The following CNTNAP2 variants were observed in gnomAD, a reference collection of about 807,000 sequenced individuals.
CNTNAP2 encodes contactin-associated protein-like 2.
Under a neutral mutation model 155.2 loss-of-function variants are expected in CNTNAP2, and 98 were observed. The ratio of observed to expected loss-of-function variants is 0.63; its 90% CI spans 0.54 to 0.75. The LOEUF (loss-of-function observed/expected upper bound fraction) is 0.75. Ranked by LOEUF, CNTNAP2 falls within the 30% of genes least tolerant of loss-of-function variation. CNTNAP2 has a pLI of 0.00. For missense variants in CNTNAP2, 1,727 were observed against 1,688.1 expected, an observed-to-expected ratio of 1.02 and a Z score of -0.40; for synonymous variants, 651 against 631.2, an observed-to-expected ratio of 1.03 and a Z score of -0.47.
intron 21 of CNTNAP2, among the ~76,000 whole-genome samples, chr7:148,299,730 A>C (rs1797348805): frequency 1.3e-5 from 2 of 152,210 alleles, no homozygotes; most frequent in Admixed American, 1.3e-4. Context: ...CAATTTGAAA[A>C]GTGTAATGTG....
chr7:146,348,466 C>A (rs1432748816), intron 1 of CNTNAP2, among the ~76,000 whole-genome samples: 1 of 152,032 alleles, frequency 6.6e-6, no homozygotes, highest in Non-Finnish European at 1.5e-5. Flanking sequence ...TGGATTAAAG[C>A]AAAATTTCCA....
chr7:146,752,911 A>T lies in CNTNAP2; in HGVS notation c.98-21360A>T, dbSNP rs575137091. ...TTAAGTGATTCATAAATCTCAAGTA[A>T]ATCTGGATGTTAAAGGTTGAACCTT... On this transcript the variant is annotated intron_variant, in intron 1 of 23. Transcript: ENST00000361727. 5.9e-5 allele frequency among the ~76,000 whole-genome samples: 9 copies of T among 152,286 alleles called. No homozygotes were observed. The South Asian group carries it at 1.9e-3, about 32-fold the overall frequency.
chr7:148,242,751 T>C (rs1796181924), intron 20 of CNTNAP2, among the ~76,000 whole-genome samples: 1 of 152,232 alleles, frequency 6.6e-6, no homozygotes, highest in Non-Finnish European at 1.5e-5. Context: ...AAGTGTTGAC[T>C]GAGTGACTGA....
At chr7:146,786,127 A>G (rs1045439775) in intron 2 of CNTNAP2, among the ~76,000 whole-genome samples, 10 of 152,178 alleles carry the variant, frequency 6.6e-5, no homozygotes, top group African/African-American at 2.4e-4. Context: ...GCACCTGTAA[A>G]AACTATAGTT....
intron 13 of CNTNAP2, among the ~76,000 whole-genome samples, chr7:147,795,409 G>T (rs1260156731): frequency 6.6e-6 from 1 of 151,618 alleles, no homozygotes; most frequent in Non-Finnish European, 1.5e-5. Flanking sequence ...CATGTCTTTT[G>T]TTTCTCAATT....
chr7:147,769,260 C>A (rs1797429320), intron 13 of CNTNAP2, among the ~76,000 whole-genome samples: 1 of 151,994 alleles, frequency 6.6e-6, no homozygotes, highest in African/African-American at 2.4e-5. Flanking sequence ...AGTATACTTT[C>A]CAAAAGGTCA....
At chr7:146,552,634 G>A (rs924171810) in intron 1 of CNTNAP2, among the ~76,000 whole-genome samples, 1 of 151,720 alleles carries the variant, frequency 6.6e-6, no homozygotes, top group Non-Finnish European at 1.5e-5. Context: ...TCCCCCTAAC[G>A]ACTTTCCTTC....
intron 18 of CNTNAP2, among the ~76,000 whole-genome samples, chr7:148,206,764 G>A (rs2116738768): frequency 6.6e-6 from 1 of 152,290 alleles, no homozygotes; most frequent in African/African-American, 2.4e-5. Flanking sequence ...AAGCCTGGAG[G>A]CCTGTTTCCC....
chr7:146,162,663 A>T (rs575263318), intron 1 of CNTNAP2, among the ~76,000 whole-genome samples: 2 of 152,338 alleles, frequency 1.3e-5, no homozygotes, highest in Admixed American at 1.3e-4. Flanking sequence ...CTGGGTATAT[A>T]CCCAAAGTAT....
At chr7:146,207,269 G>A (rs751940012) in intron 1 of CNTNAP2, among the ~76,000 whole-genome samples, 43 of 151,892 alleles carry the variant, frequency 2.8e-4, no homozygotes, top group East Asian at 5.8e-4. Context: ...TGTATCATGC[G>A]GTACCGTGAA....
intron 1 of CNTNAP2, among the ~76,000 whole-genome samples, chr7:146,592,645 C>G (rs1301257469): frequency 6.6e-6 from 1 of 152,078 alleles, no homozygotes; most frequent in Non-Finnish European, 1.5e-5. Context: ...AGGAATTCAA[C>G]CTCAAGTTCA....
intron 13 of CNTNAP2, among the ~76,000 whole-genome samples, chr7:147,696,020 C>T (rs1425151737): frequency 6.6e-6 from 1 of 152,104 alleles, no homozygotes; most frequent in Non-Finnish European, 1.5e-5. Flanking sequence ...TTCATGTTAG[C>T]ATGATCTATG....
At chr7:148,287,916 G>C (rs10272539) in intron 21 of CNTNAP2, among the ~76,000 whole-genome samples, 107,538 of 150,106 alleles carry the variant, frequency 0.72, 38,630 homozygotes, top group South Asian at 0.81. Context: ...TTCAGCCTCC[G>C]GAGTAGCTGG....
chr7:146,515,114 T>C (rs957537630), intron 1 of CNTNAP2, among the ~76,000 whole-genome samples: 1 of 151,974 alleles, frequency 6.6e-6, no homozygotes, highest in African/African-American at 2.4e-5. Context: ...TGCCTTTCTG[T>C]TTTAGTATTT....
chr7:146,526,602 C>G (rs801950), intron 1 of CNTNAP2, among the ~76,000 whole-genome samples: 5,401 of 152,232 alleles, frequency 0.035, 308 homozygotes, highest in African/African-American at 0.12. Context: ...AGTGACCTCC[C>G]TCCAGGCCCC....
chr7:146,723,810 A>G (rs1346572868), intron 1 of CNTNAP2, among the ~76,000 whole-genome samples: 1 of 152,222 alleles, frequency 6.6e-6, no homozygotes, highest in Non-Finnish European at 1.5e-5. Flanking sequence ...ATTTTCTTTT[A>G]GAATTCTTGT....
At chr7:146,626,579 C>A (rs1212810643) in intron 1 of CNTNAP2, among the ~76,000 whole-genome samples, 1 of 151,938 alleles carries the variant, frequency 6.6e-6, no homozygotes, top group Admixed American at 6.6e-5. Flanking sequence ...TGATTGTGTG[C>A]CTGTAAATAC....
chr7:146,353,427 TCTC>T (rs1217417246), intron 1 of CNTNAP2, among the ~76,000 whole-genome samples: 2 of 152,192 alleles, frequency 1.3e-5, no homozygotes, highest in Non-Finnish European at 2.9e-5. Context: ...ATGCCATTCT[TCTC>T]AGTGCTTGGG....
At chr7:147,539,640 G>A (rs1053841813) in intron 11 of CNTNAP2, among the ~76,000 whole-genome samples, 2 of 152,138 alleles carry the variant, frequency 1.3e-5, no homozygotes, top group African/African-American at 4.8e-5. Flanking sequence ...AGATGCCAAT[G>A]TAGTGACACT....
Sources: gnomAD v4.1 joint callset for allele counts (sites outside exome capture counted in the v4.1 genomes callset) on GRCh38, gnomAD v4.1.1 for gene constraint, MANE v1.5 for transcripts, NCBI Gene and HGNC (gene_info 2026-07-23, HGNC 2026-07-21) for gene names.